CEP128: variants seen among roughly 807,000 people sequenced by gnomAD.
CEP128 encodes the protein centrosomal protein 128kDa.
In CEP128, 132 loss-of-function variants were observed where a neutral mutation model predicts 156.7. The ratio of observed to expected loss-of-function variants is 0.84; its 90% CI spans 0.73 to 0.97. The LOEUF is 0.97. CEP128 is among the 50% of genes least tolerant of loss of function. CEP128 has a pLI of 0.00. For missense variants in CEP128, 1,252 were observed against 1,281.9 expected (o/e 0.98, Z 0.36); for synonymous variants, 469 against 448.9 (o/e 1.04, Z -0.57).
chr14:80,852,776 G>A (rs893611056), intron 9 of CEP128, among the ~76,000 whole-genome samples: 6 of 151,738 alleles, frequency 4.0e-5, no homozygotes, highest in Admixed American at 6.6e-5. Context: ...ACTAAACCAC[G>A]AAATAGGAAA....
chr14:80,578,190 A>G (rs2140437138), intron 20 of CEP128, among the ~76,000 whole-genome samples: 1 of 152,260 alleles, frequency 6.6e-6, no homozygotes, highest in Admixed American at 6.6e-5. Flanking sequence ...TATAATATAG[A>G]GGGTAAGAAG....
intron 20 of CEP128, among the ~76,000 whole-genome samples, chr14:80,562,655 CTTTTTTTTTTTT>C (rs1170778718): frequency 8.7e-6 from 1 of 114,384 alleles, no homozygotes; most frequent in Non-Finnish European, 1.9e-5. Flanking sequence ...CTTTTCTTTT[CTTTTTTTTTTTT>C]TTTTTTTTTT....
At chr14:80,560,295 C>T (rs952378802) in intron 20 of CEP128, among the ~76,000 whole-genome samples, 5 of 152,028 alleles carry the variant, frequency 3.3e-5, no homozygotes, top group East Asian at 3.9e-4. Context: ...TGCGGTGCCG[C>T]GTGCCTGTAA....
At chr14:80,856,555 G>A (rs986580202) in intron 9 of CEP128, among the ~76,000 whole-genome samples, 1 of 151,730 alleles carries the variant, frequency 6.6e-6, no homozygotes, top group African/African-American at 2.4e-5. Flanking sequence ...GAGGTAGAAG[G>A]ATCGCTTGAG....
At chr14:80,885,980 CAT>C (rs1016444596) in intron 8 of CEP128, among the ~76,000 whole-genome samples, 9 of 151,860 alleles carry the variant, frequency 5.9e-5, no homozygotes, top group African/African-American at 2.2e-4. Flanking sequence ...CTTCGCGAAG[CAT>C]AGACAACTAT....
At chr14:80,937,878 C>A (rs943008463) in intron 2 of CEP128, among the ~76,000 whole-genome samples, 1 of 150,460 alleles carries the variant, frequency 6.6e-6, no homozygotes, top group African/African-American at 2.4e-5. Flanking sequence ...CCATCCAGCT[C>A]TAAAATTCTT....
intron 14 of CEP128, among the ~76,000 whole-genome samples, chr14:80,788,332 T>C (rs1237747667): frequency 1.3e-5 from 2 of 148,252 alleles, no homozygotes; most frequent in East Asian, 4.1e-4. Context: ...CTCCCTCTTG[T>C]GCTTGCACTA....
At chr14:80,557,690 T>C (rs1279847494) in intron 21 of CEP128, among the ~76,000 whole-genome samples, 1 of 152,162 alleles carries the variant, frequency 6.6e-6, no homozygotes, top group African/African-American at 2.4e-5. Flanking sequence ...TATTTATCCA[T>C]AGGGTCTGGA....
intron 2 of CEP128, among the ~76,000 whole-genome samples, chr14:80,930,077 T>C (rs1401081562): frequency 6.6e-6 from 1 of 152,216 alleles, no homozygotes; most frequent in Non-Finnish European, 1.5e-5. Context: ...GAACTGTACA[T>C]GCAAGGGATC....
intron 19 of CEP128, among the ~76,000 whole-genome samples, chr14:80,728,838 T>C (rs191811444): frequency 1.3e-5 from 2 of 152,312 alleles, no homozygotes; most frequent in Admixed American, 1.3e-4. Context: ...TAGACCAAAG[T>C]TGCATTTTCT....
intron 8 of CEP128, among the ~76,000 whole-genome samples, chr14:80,890,086 C>T (rs546478353): frequency 1.3e-5 from 2 of 152,310 alleles, no homozygotes; most frequent in East Asian, 3.9e-4. Context: ...GATACCATCT[C>T]ACGCCAGTTA....
chr14:80,527,588 T>C (rs1188929984), intron 22 of CEP128, among the ~76,000 whole-genome samples: 1 of 152,182 alleles, frequency 6.6e-6, no homozygotes, highest in Non-Finnish European at 1.5e-5. Context: ...AAGGTTCAAG[T>C]AGCAATGAAC....
At chr14:80,479,353 G>A (rs763052350) in intron 14 of CEP128, among the ~76,000 whole-genome samples, 1 of 152,110 alleles carries the variant, frequency 6.6e-6, no homozygotes, top group East Asian at 1.9e-4. Context: ...ACCTGAAACT[G>A]GGAACAAAAA....
At position 80,904,868 on chromosome 14, in the gene CEP128, C is replaced by T. The variant is rs1208632035; in HGVS notation, c.425G>A (p.Arg142Gln). The change falls in exon 6 of 25, where the codon CGA becomes CAA. Residue 142 changes from arginine to glutamine, a missense_variant. Physicochemically the swap from Arg to Gln is conservative, Grantham distance 43. Coordinates refer to ENST00000555265, the MANE Select transcript of CEP128 (RefSeq NM_152446.5). ...CCGGACACCAGTTCTTGATCTCATT[C>T]GTTTAATACCCTGTGGATCCCCATA... ...KDYGDPQGIK[R>Q]MRSRTGVRFV... The T allele has an allele frequency of 4.3e-6, 7 of 1,612,452 alleles. No homozygotes were observed. The highest frequency in any genetic ancestry group is 1.3e-5 in the African/African-American group (1 of 74,878).
intron 9 of CEP128, among the ~76,000 whole-genome samples, chr14:80,849,445 C>T (rs1886777367): frequency 6.6e-6 from 1 of 152,110 alleles, no homozygotes; most frequent in Admixed American, 6.6e-5. Context: ...GGATCTCATT[C>T]TCAGATAATA....
intron 20 of CEP128, 120 bp from the exon 21 acceptor site, chr14:80,559,422 A>G (rs1304563060): frequency 1.3e-6 from 1 of 772,538 alleles, no homozygotes; most frequent in Non-Finnish European, 2.0e-6. Context: ...TTAAAAATGT[A>G]AAAAATGAGA....
intron 18 of CEP128, among the ~76,000 whole-genome samples, chr14:80,756,690 T>C (rs560611081): frequency 6.6e-6 from 1 of 152,292 alleles, no homozygotes; most frequent in African/African-American, 2.4e-5. Flanking sequence ...ATTCTCTCTT[T>C]CTAGGCCTAC....
In CEP128 at chr14:80,685,377, A is replaced by C. The variant is rs140197926; in HGVS notation, c.2806+57698T>G. ...CATGAAAAAAAAATACCTTGAAATA[A>C]ATCTAACCGAAGAAGTAAAATATTT... is the stretch of plus-strand genomic sequence containing the variant. On this transcript the variant is annotated intron_variant, in intron 19 of 24. Coordinates refer to ENST00000555265, the MANE Select transcript of CEP128 (RefSeq NM_152446.5). Among the ~76,000 whole-genome samples the C allele has an allele frequency of 8.1e-4, 123 of 152,192 alleles. No individual in the cohort carries two copies. The East Asian group carries it at 0.021, about 26-fold the overall frequency.
At chr14:80,509,722 G>A (rs776445987) in intron 23 of CEP128, among the ~76,000 whole-genome samples, 7 of 152,102 alleles carry the variant, frequency 4.6e-5, no homozygotes, top group Non-Finnish European at 7.4e-5. Flanking sequence ...CAATATCCTG[G>A]AGAGTTTCTT....
Sources: gnomAD v4.1 joint callset for allele counts (sites outside exome capture counted in the v4.1 genomes callset) on GRCh38, gnomAD v4.1.1 for gene constraint, MANE v1.5 for transcripts, NCBI Gene and HGNC (gene_info 2026-07-23, HGNC 2026-07-21) for gene names.